RANBP2: variants seen among roughly 807,000 people sequenced by gnomAD.
RANBP2 encodes the protein E3 SUMO-protein ligase RanBP2.
Under a neutral mutation model 303.6 loss-of-function variants are expected in RANBP2, and 57 were observed. That is an observed-to-expected ratio of 0.19 (90% CI 0.15 to 0.23). The LOEUF is 0.23. RANBP2 is among the 10% of genes least tolerant of loss of function. The pLI, the probability that RANBP2 is intolerant of heterozygous loss-of-function variation, is 1.00. For missense variants in RANBP2, 3,138 were observed against 3,780.8 expected (o/e 0.83, Z 4.46); for synonymous variants, 1,167 against 1,301.5 (o/e 0.90, Z 2.23).
At chr2:109,521,020 G>T in the RANBP2 span, among the ~76,000 whole-genome samples, 5 of 150,008 alleles carry the variant, frequency 3.3e-5, no homozygotes, top group African/African-American at 4.9e-5. Flanking sequence ...ACGAGGTCAG[G>T]AGATCGAGAC....
At chr2:109,794,580 C>CGGGGAGGGGGAGG in the RANBP2 span, 1 of 899,500 alleles carries the variant, frequency 1.1e-6, no homozygotes, top group South Asian at 5.3e-5. Flanking sequence ...TCGACCCGGC[C>CGGGGAGGGGGAGG]GGGGGGCGGC....
At chr2:108,806,411 A>C in the RANBP2 span, among the ~76,000 whole-genome samples, 1 of 152,282 alleles carries the variant, frequency 6.6e-6, no homozygotes, top group African/African-American at 2.4e-5. Context: ...AAATATTTGG[A>C]CCTATTGATA....
At chr2:108,756,377 A>G (rs1326262279) in intron 17 of RANBP2, among the ~76,000 whole-genome samples, 1 of 152,172 alleles carries the variant, frequency 6.6e-6, no homozygotes, top group East Asian at 1.9e-4. Flanking sequence ...AAGGAGCTTG[A>G]CTTTTTTGGA....
the RANBP2 span, among the ~76,000 whole-genome samples, chr2:109,437,429 A>T: frequency 6.6e-6 from 1 of 152,072 alleles, no homozygotes; most frequent in African/African-American, 2.4e-5. Flanking sequence ...CATGTTACCC[A>T]TCCTGGCAGC....
At chr2:109,399,614 A>G in the RANBP2 span, among the ~76,000 whole-genome samples, 3 of 152,320 alleles carry the variant, frequency 2.0e-5, no homozygotes, top group Middle Eastern at 0.01. Context: ...CAAGCAACCA[A>G]TCAGTCAATC....
the RANBP2 span, among the ~76,000 whole-genome samples, chr2:109,629,702 T>A: frequency 6.6e-6 from 1 of 151,744 alleles, no homozygotes; most frequent in African/African-American, 2.4e-5. Context: ...TCCCAGCTAC[T>A]CGGGAGGCTG....
the RANBP2 span, among the ~76,000 whole-genome samples, chr2:109,140,616 C>G: frequency 6.6e-6 from 1 of 152,158 alleles, no homozygotes. Flanking sequence ...CTCCTGACCT[C>G]ATGATCCACC....
At chr2:108,737,631 C>G (rs1384732514) in intron 6 of RANBP2, among the ~76,000 whole-genome samples, 1 of 150,752 alleles carries the variant, frequency 6.6e-6, no homozygotes, top group African/African-American at 2.4e-5. Context: ...TCACTGCAAC[C>G]TCTGCCTCCT....
At chr2:109,293,988 G>A in the RANBP2 span, among the ~76,000 whole-genome samples, 4 of 152,190 alleles carry the variant, frequency 2.6e-5, no homozygotes, top group African/African-American at 4.8e-5. Context: ...CATCCAGGGG[G>A]CAGTGCTTGG....
chr2:109,167,588 T>A, the RANBP2 span, among the ~76,000 whole-genome samples: 1 of 152,226 alleles, frequency 6.6e-6, no homozygotes, highest in Non-Finnish European at 1.5e-5. Context: ...AGTTGTTTAT[T>A]TTTGAGACAG....
At chr2:109,378,035 G>A in the RANBP2 span, among the ~76,000 whole-genome samples, 3 of 152,354 alleles carry the variant, frequency 2.0e-5, no homozygotes, top group South Asian at 6.2e-4. Context: ...TTTTACCTTG[G>A]TCTTGTGGGT....
At chr2:109,254,393 G>A in the RANBP2 span, among the ~76,000 whole-genome samples, 1 of 152,088 alleles carries the variant, frequency 6.6e-6, no homozygotes, top group Non-Finnish European at 1.5e-5. Flanking sequence ...TAAAATGGGG[G>A]CAGCACATTC....
At chr2:108,778,515 A>G (rs1281087687) in intron 25 of RANBP2, among the ~76,000 whole-genome samples, 1 of 152,198 alleles carries the variant, frequency 6.6e-6, no homozygotes, top group East Asian at 1.9e-4. Flanking sequence ...CAAATTAATT[A>G]TTCACTTACA....
chr2:109,657,000 C>T, the RANBP2 span, among the ~76,000 whole-genome samples: 469 of 152,170 alleles, frequency 3.1e-3, 1 homozygote, highest in South Asian at 0.02. Context: ...AATATTCTGG[C>T]CCATTATTTC....
chr2:108,828,022 T>G, the RANBP2 span, among the ~76,000 whole-genome samples: 1 of 151,992 alleles, frequency 6.6e-6, no homozygotes, highest in Non-Finnish European at 1.5e-5. Flanking sequence ...GATCCAAACT[T>G]GTAAATAGAT....
the RANBP2 span, among the ~76,000 whole-genome samples, chr2:109,333,498 ATAGCATACCCCACCTGTTTG>A: frequency 6.6e-6 from 1 of 152,256 alleles, no homozygotes; most frequent in African/African-American, 2.4e-5. Context: ...GGTTTCACGT[ATAGCATACCCCACCTGTTTG>A]TGTAAGTAAA....
the RANBP2 span, among the ~76,000 whole-genome samples, chr2:109,729,345 C>T: frequency 6.6e-6 from 1 of 152,138 alleles, no homozygotes; most frequent in East Asian, 1.9e-4. Flanking sequence ...GTATTTTTCT[C>T]ATTTAAAAAA....
chr2:109,545,451 C>T, the RANBP2 span: 1 of 1,536,112 alleles, frequency 6.5e-7, no homozygotes, highest in African/African-American at 1.4e-5. Flanking sequence ...GCACTGTGGC[C>T]CTCTCTACCT....
At chr2:108,733,432 C>T (rs1210852954) in intron 4 of RANBP2, among the ~76,000 whole-genome samples, 3 of 151,882 alleles carry the variant, frequency 2.0e-5, no homozygotes, top group Non-Finnish European at 4.4e-5. Context: ...TGTGCCCAGC[C>T]TTAACCATTC....
Sources: allele counts gnomAD v4.1 joint callset (sites outside exome capture counted in the v4.1 genomes callset), GRCh38; gene constraint gnomAD v4.1.1; transcripts MANE v1.5; gene names NCBI Gene and HGNC (gene_info 2026-07-23, HGNC 2026-07-21).